The following CTNNA2 variants were observed in gnomAD, a reference collection of about 807,000 sequenced individuals.
CTNNA2 encodes catenin alpha 2, also known as catenin alpha-2.
Under a neutral mutation model 101.0 loss-of-function variants are expected in CTNNA2, and 42 were observed. The ratio of observed to expected loss-of-function variants is 0.42; its 90% CI spans 0.32 to 0.54. The LOEUF is 0.54. Ranked by LOEUF, CTNNA2 falls within the 20% of genes least tolerant of loss-of-function variation. The pLI is 0.14. For synonymous variants in CTNNA2, 450 were observed against 456.4 expected (o/e 0.99, Z 0.18); for missense variants, 871 against 1,223.1 (o/e 0.71, Z 4.29).
At chr2:80,089,739 T>C (rs1001148685) in intron 7 of CTNNA2, among the ~76,000 whole-genome samples, 2 of 152,022 alleles carry the variant, frequency 1.3e-5, no homozygotes, top group Admixed American at 6.6e-5. Flanking sequence ...CACCCCATTC[T>C]GCTTTCTCAT....
chr2:80,199,954 G>A (rs1707097058), intron 7 of CTNNA2, among the ~76,000 whole-genome samples: 1 of 152,162 alleles, frequency 6.6e-6, no homozygotes, highest in African/African-American at 2.4e-5. Flanking sequence ...TTCACCAGGA[G>A]CTCACCTGAC....
intron 7 of CTNNA2, among the ~76,000 whole-genome samples, chr2:80,205,075 C>CATGT (rs1436212903): frequency 6.6e-6 from 1 of 152,188 alleles, no homozygotes; most frequent in Non-Finnish European, 1.5e-5. Context: ...TCCCATAACA[C>CATGT]ATGTGAATTA....
At chr2:80,533,401 C>T (rs144553975) in intron 9 of CTNNA2, among the ~76,000 whole-genome samples, 51 of 152,136 alleles carry the variant, frequency 3.4e-4, no homozygotes, top group Admixed American at 2.9e-3. Context: ...CTGTGTGAAG[C>T]GGGCTGTAGT....
At chr2:80,512,879 G>T (rs1017290111) in intron 9 of CTNNA2, among the ~76,000 whole-genome samples, 35 of 151,900 alleles carry the variant, frequency 2.3e-4, no homozygotes, top group Non-Finnish European at 8.8e-5. Flanking sequence ...TTGGAGGGCC[G>T]TTGTAATCTT....
intron 9 of CTNNA2, among the ~76,000 whole-genome samples, chr2:80,527,425 A>T (rs940166129): frequency 2.0e-5 from 3 of 152,194 alleles, no homozygotes; most frequent in Non-Finnish European, 2.9e-5. Context: ...ATTTCTGTGT[A>T]TCCGGGGTGA....
chr2:80,344,178 C>T (rs1005073791), intron 7 of CTNNA2, among the ~76,000 whole-genome samples: 3 of 152,172 alleles, frequency 2.0e-5, no homozygotes, highest in South Asian at 2.1e-4. Context: ...AATTGGCTTC[C>T]GGAACTCACA....
intron 1 of CTNNA2, among the ~76,000 whole-genome samples, chr2:79,188,248 C>T (rs992219884): frequency 3.3e-5 from 5 of 152,052 alleles, no homozygotes; most frequent in Non-Finnish European, 7.4e-5. Flanking sequence ...GAAAAGCAAA[C>T]TTTGTTCCTC....
chr2:80,562,818 G>C (rs1020612147), intron 12 of CTNNA2, among the ~76,000 whole-genome samples: 1 of 152,060 alleles, frequency 6.6e-6, no homozygotes, highest in African/African-American at 2.4e-5. Flanking sequence ...GGTGGAAAAA[G>C]TATGTATAAC....
At chr2:80,454,039 AG>A (rs1334858600) in intron 9 of CTNNA2, among the ~76,000 whole-genome samples, 1 of 152,216 alleles carries the variant, frequency 6.6e-6, no homozygotes. Context: ...AAAAAAGAAA[AG>A]AATAAAAGAA....
chr2:79,650,183 G>C (rs868130022), intron 1 of CTNNA2, among the ~76,000 whole-genome samples: 31 of 134,190 alleles, frequency 2.3e-4, no homozygotes, highest in Admixed American at 6.8e-4. Flanking sequence ...CGGGGGGGGG[G>C]GGGGAGGGGC....
intron 2 of CTNNA2, among the ~76,000 whole-genome samples, chr2:79,303,821 C>T (rs1465064378): frequency 6.6e-6 from 1 of 151,776 alleles, no homozygotes; most frequent in Non-Finnish European, 1.5e-5. Context: ...TGAGGGAATG[C>T]CTGGATGCCT....
At chr2:79,223,142 C>G (rs749873919) in intron 2 of CTNNA2, among the ~76,000 whole-genome samples, 1 of 151,926 alleles carries the variant, frequency 6.6e-6, no homozygotes, top group African/African-American at 2.4e-5. Context: ...CCTGGGCAAC[C>G]GAGTGAGATC....
At chr2:79,386,000 ATG>A (rs1678096413) in intron 4 of CTNNA2, among the ~76,000 whole-genome samples, 2 of 152,190 alleles carry the variant, frequency 1.3e-5, no homozygotes, top group South Asian at 4.1e-4. Flanking sequence ...ATACATGTGC[ATG>A]TGTCTTTATA....
At chr2:79,376,197 T>A (rs1488342352) in intron 4 of CTNNA2, among the ~76,000 whole-genome samples, 1 of 152,112 alleles carries the variant, frequency 6.6e-6, no homozygotes, top group South Asian at 2.1e-4. Flanking sequence ...AGAGTTAAGG[T>A]GCAGCAGACA....
At chr2:79,334,621 G>T (rs1343494148) in intron 3 of CTNNA2, among the ~76,000 whole-genome samples, 1 of 152,094 alleles carries the variant, frequency 6.6e-6, no homozygotes, top group Non-Finnish European at 1.5e-5. Context: ...AATAAAAAAA[G>T]GATGGAGGGA....
chr2:79,511,704 C>T (rs1671547127), upstream of CTNNA2, among the ~76,000 whole-genome samples: 1 of 152,130 alleles, frequency 6.6e-6, no homozygotes, highest in South Asian at 2.1e-4. Flanking sequence ...CCTCTCCAGT[C>T]ATTCCCTAGA....
chr2:80,356,881 G>A (rs188349254), intron 7 of CTNNA2, among the ~76,000 whole-genome samples: 1 of 152,288 alleles, frequency 6.6e-6, no homozygotes, highest in East Asian at 1.9e-4. Context: ...ATACCTTTTG[G>A]TATCAAGTAT....
At chr2:79,835,205 C>A (rs962095842) in intron 3 of CTNNA2, among the ~76,000 whole-genome samples, 3 of 152,016 alleles carry the variant, frequency 2.0e-5, no homozygotes, top group Admixed American at 6.6e-5. Context: ...TTTTAGTATT[C>A]GCCTTAAAAT....
intron 1 of CTNNA2, among the ~76,000 whole-genome samples, chr2:79,528,568 G>A (rs1573253450): frequency 6.6e-6 from 1 of 151,950 alleles, no homozygotes; most frequent in African/African-American, 2.4e-5. Context: ...TATGAATTAT[G>A]CCTATAATGT....
Sources: gnomAD v4.1 joint callset for allele counts (sites outside exome capture counted in the v4.1 genomes callset) on GRCh38, gnomAD v4.1.1 for gene constraint, MANE v1.5 for transcripts, NCBI Gene and HGNC (gene_info 2026-07-23, HGNC 2026-07-21) for gene names.